The following TMCO4 variants were observed in gnomAD, a reference collection of about 807,000 sequenced individuals.
TMCO4 encodes transmembrane and coiled-coil domain-containing protein 4.
A neutral mutation model predicts 64.7 loss-of-function variants in TMCO4; 58 were observed. The observed-to-expected ratio is 0.90, with a 90% CI of 0.73 to 1.12. TMCO4 has a LOEUF of 1.12. TMCO4 is among the 50% of genes most tolerant of loss of function. The pLI, the probability that TMCO4 is intolerant of heterozygous loss-of-function variation, is 0.00. For synonymous variants in TMCO4, 325 were observed against 346.1 expected, an observed-to-expected ratio of 0.94 and a Z score of 0.68; for missense variants, 780 against 825.9, an observed-to-expected ratio of 0.94 and a Z score of 0.68.
At chr1:19,736,470 TTC>T (rs1180022058) in intron 13 of TMCO4, among the ~76,000 whole-genome samples, 4 of 152,120 alleles carry the variant, frequency 2.6e-5, no homozygotes, top group Non-Finnish European at 5.9e-5. Context: ...GTTCAACAAT[TTC>T]TCTCTGAGTT....
At chr1:19,683,512 C>A in intron 15 of TMCO4, 68 bp from the exon 16 acceptor site, 1 of 1,561,522 alleles carries the variant, frequency 6.4e-7, no homozygotes, top group Non-Finnish European at 8.7e-7. Context: ...GGACCTCCGG[C>A]CAAACTTCTG....
intron 15 of TMCO4, among the ~76,000 whole-genome samples, chr1:19,686,110 C>G (rs1007382744): frequency 6.6e-6 from 1 of 152,178 alleles, no homozygotes; most frequent in African/African-American, 2.4e-5. Context: ...CCTCACTTTA[C>G]AGAGAAGGGC....
chr1:19,696,299 C>T (rs376810316), intron 14 of TMCO4, among the ~76,000 whole-genome samples: 3 of 152,278 alleles, frequency 2.0e-5, no homozygotes, highest in Admixed American at 6.5e-5. Flanking sequence ...CCTGTAATCC[C>T]AGCATTTTGG....
At chr1:19,767,388 T>A (rs549613856) in intron 6 of TMCO4, among the ~76,000 whole-genome samples, 1 of 152,308 alleles carries the variant, frequency 6.6e-6, no homozygotes, top group African/African-American at 2.4e-5. Context: ...CTGGTTTAGA[T>A]GTTGCCTATA....
chr1:19,722,858 T>G (rs7539841), intron 13 of TMCO4, among the ~76,000 whole-genome samples: 124,740 of 152,036 alleles, frequency 0.82, 51,318 homozygotes, highest in East Asian at 0.9. Flanking sequence ...AGGAACACTG[T>G]GATCCTCAGC....
intron 13 of TMCO4, among the ~76,000 whole-genome samples, chr1:19,724,749 C>T (rs1048731271): frequency 6.6e-6 from 1 of 151,954 alleles, no homozygotes; most frequent in Non-Finnish European, 1.5e-5. Flanking sequence ...AAGTTCAGTG[C>T]TCCTTCTTTT....
Position 19,745,545 on chromosome 1 carries a change from A to G in TMCO4, c.864T>C (p.Ala288=). 6.2e-7 allele frequency: 1 copy of G among 1,614,104 alleles called. No homozygotes were observed. The highest frequency in any genetic ancestry group is 8.5e-7 in the Non-Finnish European group (1 of 1,180,016). ...HITIAVTGWL[A]SGKYRTFSAP... is the part of the protein sequence containing the mutation. Reference sequence around the variant, plus strand: ...CCTGGTCCTCACGGTATTTGCCAGAAGCGAGCCACCCCGTGACGGCGATGG... The same window carrying G: ...CCTGGTCCTCACGGTATTTGCCAGAGGCGAGCCACCCCGTGACGGCGATGG... The change falls in exon 10 of 16, where the codon GCT becomes GCC. Residue 288 remains alanine (A), a synonymous_variant. Coordinates refer to ENST00000294543, the MANE Select transcript of TMCO4 (RefSeq NM_181719.7).
chr1:19,780,428 C>A, intron 4 of TMCO4, 152 bp downstream of exon 4: 1 of 906,230 alleles, frequency 1.1e-6, no homozygotes, highest in African/African-American at 1.7e-5. Context: ...TACTGGTCCA[C>A]GGCCTGGAGG....
chr1:19,683,219 A>G lies in TMCO4; in HGVS notation c.1726T>C (p.Ser576Pro), dbSNP rs2095116709. 1.2e-6 allele frequency: 2 copies of G among 1,614,154 alleles called. No homozygotes were observed. The highest frequency in any genetic ancestry group is 8.5e-7 in the Non-Finnish European group (1 of 1,180,012). The change falls in exon 16 of 16, where the codon TCC (serine) becomes CCC (proline). Residue 576 changes from serine (S) to proline (P), a missense_variant. Transcript: ENST00000294543. ...ISGDTSKLAM[S>P]TDPSQAQVPV... is the part of the protein sequence containing the mutation. ...ACCTGGGCTTGGCTGGGGTCTGTGG[A>G]CATGGCCAATTTGGAGGTGTCTCCG...
intron 6 of TMCO4, among the ~76,000 whole-genome samples, chr1:19,765,624 T>C (rs1164212829): frequency 6.6e-6 from 1 of 151,944 alleles, no homozygotes; most frequent in Non-Finnish European, 1.5e-5. Flanking sequence ...CAGCTCAGAT[T>C]TAGTTTAACT....
In TMCO4 at chr1:19,694,463, T is replaced by G. The variant is rs757371177; in HGVS notation, c.1471A>C (p.Arg491=). 6.2e-7 allele frequency: 1 copy of G among 1,614,100 alleles called. No homozygotes were observed. Among genetic ancestry groups the G allele is most frequent in the Non-Finnish European group, 8.5e-7 (1 of 1,179,970 alleles). Residue 491 remains arginine, a synonymous_variant, in exon 15 of 16, where the codon AGG becomes CGG. Coordinates refer to ENST00000294543, the MANE Select transcript of TMCO4 (RefSeq NM_181719.7). The stretch of plus-strand genomic sequence containing the variant: ...GAGGTCAGGTCCACGTTCTCCACCC[T>G]CCTGTCCTGCAGCAGCACGGGCTGT... ...GLQPVLLQDR[R]VENVDLTSVV...
chr1:19,772,213 A>T (rs2043017490), intron 4 of TMCO4, among the ~76,000 whole-genome samples: 2 of 152,158 alleles, frequency 1.3e-5, no homozygotes, highest in South Asian at 4.1e-4. Context: ...CAGCCCACAG[A>T]GGGAGCCCCG....
chr1:19,714,864 A>G (rs2095348042), intron 13 of TMCO4, among the ~76,000 whole-genome samples: 1 of 152,160 alleles, frequency 6.6e-6, no homozygotes, highest in Non-Finnish European at 1.5e-5. Flanking sequence ...TGGAGGTTGC[A>G]GTAAGCCCAG....
chr1:19,782,635 A>C (rs1373424919), intron 3 of TMCO4, among the ~76,000 whole-genome samples: 1 of 152,030 alleles, frequency 6.6e-6, no homozygotes, highest in East Asian at 1.9e-4. Context: ...CTTCCTTCCC[A>C]GGGGGAAAAG....
At chr1:19,782,714 C>T (rs189747076) in intron 3 of TMCO4, among the ~76,000 whole-genome samples, 14 of 152,232 alleles carry the variant, frequency 9.2e-5, no homozygotes, top group African/African-American at 3.1e-4. Context: ...AAGAAGGCAT[C>T]CAAGAAGCAG....
intron 14 of TMCO4, among the ~76,000 whole-genome samples, chr1:19,697,819 A>C (rs2095247112): frequency 1.4e-5 from 2 of 145,546 alleles, no homozygotes; most frequent in African/African-American, 5.1e-5. Context: ...CATGTTGTTC[A>C]GGCTGGTCTT....
chr1:19,732,423 C>T lies in TMCO4; in HGVS notation c.1264+4949G>A, dbSNP rs2095433960. On this transcript the variant is annotated intron_variant, in intron 13 of 15. Coordinates refer to ENST00000294543, the MANE Select transcript of TMCO4 (RefSeq NM_181719.7). This position sits in a 1 kb window ranked among gnomAD's most constrained non-coding sequence, Gnocchi z 4.8. ...TCAAGCAATCCTCCCACCTCAGCCT[C>T]CCAAAGTGTTGGGATTACAGGCATG... 6.6e-6 allele frequency among the ~76,000 whole-genome samples: 1 copy of T among 152,176 alleles called. No individual in the cohort carries two copies. The highest frequency in any genetic ancestry group is 1.5e-5 in the Non-Finnish European group (1 of 68,030).
chr1:19,785,405 C>T (rs1480391799), intron 3 of TMCO4, among the ~76,000 whole-genome samples: 1 of 151,994 alleles, frequency 6.6e-6, no homozygotes, highest in African/African-American at 2.4e-5. Flanking sequence ...TATTTGTTTA[C>T]CTGTGTGTAC....
In TMCO4 at chr1:19,791,118, T is replaced by C. The variant is rs375010109; in HGVS notation, c.-100-4001A>G. On this transcript the variant is annotated intron_variant, in intron 2 of 15. Transcript: ENST00000294543. ...GTGGGAGCTGAACAATGAGCACACA[T>C]GGACACAGGAAGGAGAACACACACT... is the stretch of plus-strand genomic sequence containing the variant. Among the ~76,000 whole-genome samples the C allele has an allele frequency of 1.6e-4, 25 of 152,096 alleles. No homozygotes were observed. The South Asian group carries it at 5.2e-3, about 32-fold the overall frequency.
Sources: allele counts gnomAD v4.1 joint callset (sites outside exome capture counted in the v4.1 genomes callset), GRCh38; gene constraint gnomAD v4.1.1; non-coding constraint Gnocchi (gnomAD v3.1); transcripts MANE v1.5; gene names NCBI Gene and HGNC (gene_info 2026-07-23, HGNC 2026-07-21).